Variants in WDR49 observed in about 807,000 individuals in gnomAD.
WDR49 encodes WD repeat domain 49, also known as cilia- and flagella-associated protein 337.
Under a neutral mutation model 119.5 loss-of-function variants are expected in WDR49, and 107 were observed. That is an observed-to-expected ratio of 0.90 (90% CI 0.77 to 1.05). The LOEUF (loss-of-function observed/expected upper bound fraction) is 1.05. WDR49 is among the 50% of genes least tolerant of loss of function. The probability of loss-of-function intolerance (pLI) is 0.00; values close to 1 mark genes in which losing one functional copy is unlikely to be tolerated. For synonymous variants in WDR49, 425 were observed against 418.8 expected, an observed-to-expected ratio of 1.01 and a Z score of -0.18; for missense variants, 1,240 against 1,220.5, an observed-to-expected ratio of 1.02 and a Z score of -0.24.
upstream of WDR49, among the ~76,000 whole-genome samples, chr3:167,655,016 A>G (rs1178773261): frequency 6.6e-6 from 1 of 152,184 alleles, no homozygotes; most frequent in Non-Finnish European, 1.5e-5. Context: ...CTGTTTTCAC[A>G]CTGCTAATGA....
chr3:167,516,940 T>C (rs369528310), intron 16 of WDR49, among the ~76,000 whole-genome samples: 1 of 152,112 alleles, frequency 6.6e-6, no homozygotes, highest in Non-Finnish European at 1.5e-5. Flanking sequence ...AGAAGACATT[T>C]ATGCAGCCAA....
chr3:167,575,269 G>A (rs970923719), intron 8 of WDR49: 15 of 985,662 alleles, frequency 1.5e-5, no homozygotes, highest in African/African-American at 1.4e-4. Context: ...TGCCTGGGCC[G>A]CCCTGTCCTC....
intron 7 of WDR49, among the ~76,000 whole-genome samples, chr3:167,589,185 G>A (rs1714981256): frequency 6.6e-6 from 1 of 152,080 alleles, no homozygotes; most frequent in African/African-American, 2.4e-5. Context: ...ACCATTTATT[G>A]AAGAAACTGT....
rs1715809176 is a variant in WDR49 at position 167,602,226 on chromosome 3, G to A, written c.1176C>T (p.Val392=). 6.2e-7 allele frequency: 1 copy of A among 1,603,214 alleles called. No individual in the cohort carries two copies. The highest frequency in any genetic ancestry group is 1.3e-5 in the African/African-American group (1 of 74,918). ...NKVCLWNPYV[V]SKPVGVLWGH... ...CCCAAAGGACACCCACTGGTTTAGA[G>A]ACAACATAGGGATTCCAAAGGCAAA... Residue 392 remains valine, a synonymous_variant, in exon 7 of 19, where the codon GTC becomes GTT. Transcript: ENST00000682715.
At position 167,620,574 on chromosome 3, in the gene WDR49, C is replaced by A. The variant is rs1267848609; in HGVS notation, c.813G>T (p.Leu271Phe). 4 of 1,534,806 alleles carry A rather than the reference C, an allele frequency of 2.6e-6. No individual in the cohort carries two copies. In the South Asian group the frequency reaches 4.8e-5, roughly 18 times the overall value. ...TAGCAGGCCGTTCAAACAGGGAAATCAAGGCTGCGGTGAAAGCAATTGCTT... is the reference window on the plus strand; with the variant it reads ...TAGCAGGCCGTTCAAACAGGGAAATAAAGGCTGCGGTGAAAGCAATTGCTT... ...KVQAIAFTAA[L>F]ISLFERPASA... is the part of the protein sequence containing the mutation. The change falls in exon 5 of 19, where the codon TTG becomes TTT. Residue 271 changes from leucine to phenylalanine, a missense_variant. Physicochemically the swap from Leu to Phe is conservative, Grantham distance 22. Transcript: ENST00000682715.
chr3:167,634,456 T>G (rs1224924289), intron 2 of WDR49, among the ~76,000 whole-genome samples: 2 of 151,950 alleles, frequency 1.3e-5, no homozygotes, highest in Non-Finnish European at 2.9e-5. Context: ...CTTTAGACCT[T>G]TTGAAAATGT....
intron 5 of WDR49, among the ~76,000 whole-genome samples, chr3:167,606,839 T>C (rs1261392707): frequency 6.6e-6 from 1 of 152,160 alleles, no homozygotes; most frequent in Non-Finnish European, 1.5e-5. Flanking sequence ...AATACCCCTA[T>C]AACCAAAGAC....
intron 10 of WDR49, among the ~76,000 whole-genome samples, chr3:167,545,437 A>G (rs1712114726): frequency 6.7e-6 from 1 of 149,182 alleles, no homozygotes; most frequent in Admixed American, 6.8e-5. Flanking sequence ...AAAAATATGG[A>G]ACCAGCCCAA....
At chr3:167,653,657 C>T (rs1281530488) in intron 1 of WDR49, among the ~76,000 whole-genome samples, 158 bp from the exon 2 acceptor site, 2 of 152,180 alleles carry the variant, frequency 1.3e-5, no homozygotes, top group Non-Finnish European at 2.9e-5. Context: ...TCAAAATTTA[C>T]AGTTGAATGC....
intron 7 of WDR49, among the ~76,000 whole-genome samples, chr3:167,576,656 G>T (rs2108284565): frequency 6.6e-6 from 1 of 152,240 alleles, no homozygotes; most frequent in East Asian, 1.9e-4. Flanking sequence ...AGTCTTGCTG[G>T]CTTTGAAGAG....
intron 8 of WDR49, chr3:167,575,030 C>T: frequency 1.0e-6 from 1 of 985,148 alleles, no homozygotes; most frequent in African/African-American, 1.7e-5. Context: ...TGCGCAAAAT[C>T]TCCACTAGTC....
At chr3:167,501,064 C>T (rs539675251) in intron 17 of WDR49, among the ~76,000 whole-genome samples, 4 of 152,150 alleles carry the variant, frequency 2.6e-5, no homozygotes, top group African/African-American at 9.7e-5. Context: ...GGAGGGCTTA[C>T]TAAAACATAG....
chr3:167,540,226 A>G (rs191450812), intron 10 of WDR49, among the ~76,000 whole-genome samples: 1 of 152,304 alleles, frequency 6.6e-6, no homozygotes, highest in East Asian at 1.9e-4. Context: ...TGTTAGCATA[A>G]TGAGCATTCA....
intron 5 of WDR49, among the ~76,000 whole-genome samples, chr3:167,612,837 G>T (rs976726124): frequency 2.0e-5 from 3 of 152,108 alleles, no homozygotes; most frequent in African/African-American, 7.2e-5. Context: ...TTATTTGTAG[G>T]ATCTAAGTAT....
chr3:167,492,580 G>C (rs1187200384), intron 18 of WDR49, among the ~76,000 whole-genome samples: 1 of 152,104 alleles, frequency 6.6e-6, no homozygotes, highest in Non-Finnish European at 1.5e-5. Context: ...ATCAGGCACT[G>C]TGCTTAGGGC....
chr3:167,580,020 T>C (rs2096182845), intron 7 of WDR49, among the ~76,000 whole-genome samples: 2 of 152,278 alleles, frequency 1.3e-5, no homozygotes, highest in South Asian at 2.1e-4. Context: ...AAGTAATTTA[T>C]ATTGGATTTG....
chr3:167,483,924 G>A (rs535817178), intron 18 of WDR49, among the ~76,000 whole-genome samples: 8 of 152,104 alleles, frequency 5.3e-5, no homozygotes, highest in East Asian at 1.9e-4. Flanking sequence ...TTTTAAATGC[G>A]TAATGGTAAT....
intron 5 of WDR49, among the ~76,000 whole-genome samples, chr3:167,613,061 T>C (rs1716419453): frequency 1.3e-5 from 2 of 152,336 alleles, no homozygotes; most frequent in South Asian, 4.1e-4. Context: ...TTGGATTGTT[T>C]GTAACTCAAA....
chr3:167,621,754 A>G, intron 3 of WDR49, 111 bp from the exon 4 acceptor site: 1 of 1,017,492 alleles, frequency 9.8e-7, no homozygotes, highest in Non-Finnish European at 1.4e-6. Context: ...TTCTCTGAGG[A>G]TCCTTAACAG....
Sources: allele counts gnomAD v4.1 joint callset (sites outside exome capture counted in the v4.1 genomes callset), GRCh38; gene constraint gnomAD v4.1.1; transcripts MANE v1.5; gene names NCBI Gene and HGNC (gene_info 2026-07-23, HGNC 2026-07-21).